HAO2: variants seen among roughly 807,000 people sequenced by gnomAD.
HAO2 encodes hydroxyacid oxidase 2, also known as 2-Hydroxyacid oxidase 2.
Under a neutral mutation model 37.4 loss-of-function variants are expected in HAO2, and 42 were observed. That is an observed-to-expected ratio of 1.12 (90% CI 0.88 to 1.45). The LOEUF (loss-of-function observed/expected upper bound fraction) is 1.45. HAO2 is among the 40% of genes most tolerant of loss of function. The probability of loss-of-function intolerance (pLI) is 0.00; values close to 1 mark genes in which losing one functional copy is unlikely to be tolerated. For missense variants in HAO2, 476 were observed against 430.2 expected, an observed-to-expected ratio of 1.11 and a Z score of -0.94; for synonymous variants, 180 against 162.8, an observed-to-expected ratio of 1.11 and a Z score of -0.81.
At chr1:119,373,237 G>A (rs1260512644) in intron 1 of HAO2, among the ~76,000 whole-genome samples, 1 of 152,166 alleles carries the variant, frequency 6.6e-6, no homozygotes, top group Non-Finnish European at 1.5e-5. Flanking sequence ...AAGGAGTAGA[G>A]GTGAAGGTGG....
At chr1:119,388,013 G>A (rs1365973410) in intron 5 of HAO2, among the ~76,000 whole-genome samples, 2 of 152,176 alleles carry the variant, frequency 1.3e-5, no homozygotes, top group Non-Finnish European at 2.9e-5. Flanking sequence ...GAGAGCAGGG[G>A]TCACCCTTCA....
At chr1:119,392,342 T>C in intron 6 of HAO2, 74 bp downstream of exon 6, 1 of 1,262,350 alleles carries the variant, frequency 7.9e-7, no homozygotes, top group Admixed American at 2.1e-5. Flanking sequence ...TGTGGTTCAT[T>C]TTCCAAGCTT....
intron 1 of HAO2, among the ~76,000 whole-genome samples, chr1:119,370,552 T>C (rs1648901576): frequency 6.6e-6 from 1 of 152,190 alleles, no homozygotes; most frequent in East Asian, 1.9e-4. Flanking sequence ...GGCAGCCCTA[T>C]GGGATGGATG....
At chr1:119,375,819 G>A (rs1354703358) in intron 1 of HAO2, among the ~76,000 whole-genome samples, 1 of 152,078 alleles carries the variant, frequency 6.6e-6, no homozygotes, top group Non-Finnish European at 1.5e-5. Context: ...AAGACCATCG[G>A]ATCTCATGAG....
intron 1 of HAO2, chr1:119,380,683 C>T (rs1649846799): frequency 1.3e-6 from 2 of 1,597,866 alleles, no homozygotes; most frequent in Non-Finnish European, 1.7e-6. Flanking sequence ...AGGAAGATCC[C>T]AGGAAGCTGA....
rs772357329 is a variant in HAO2, at chr1:119,392,705, C to T, written c.1000+18C>T. 2.5e-5 allele frequency: 37 copies of T among 1,503,366 alleles called. No homozygotes were observed. The East Asian group carries it at 7.4e-4, about 30-fold the overall frequency. 93.1% of individuals were successfully genotyped at this position (1,503,366 alleles called of 1,614,324 possible). Reference sequence around the variant, plus strand: ...CCTTACAGGTAAGTTAACATGTTTTCCCTGATTTGGAACTTAAAGCAGGAT... The same window carrying T: ...CCTTACAGGTAAGTTAACATGTTTTTCCTGATTTGGAACTTAAAGCAGGAT... On this transcript the variant is annotated intron_variant, in intron 7 of 7. Coordinates refer to ENST00000325945, the MANE Select transcript of HAO2 (RefSeq NM_016527.4).
rs930998992 is a variant in HAO2, at chr1:119,383,163, A to T, written c.283+97A>T. 1.4e-5 allele frequency: 11 copies of T among 813,326 alleles called. No individual in the cohort carries two copies. In the African/African-American group the frequency reaches 1.7e-4, roughly 13 times the overall value. The allele number at this position is 813,326 out of a possible 1,614,324, so 50.4% of individuals were successfully genotyped here. Reference sequence around the variant, plus strand: ...AGATTCTCTCTAGAAGGGCCTTAGGAACATAATCTGGTTAACACTAAGGAA... The same window carrying T: ...AGATTCTCTCTAGAAGGGCCTTAGGTACATAATCTGGTTAACACTAAGGAA... On this transcript the variant is annotated intron_variant, in intron 3 of 7. Transcript: ENST00000325945.
chr1:119,383,049 A>G lies in HAO2; in HGVS notation c.266A>G (p.Glu89Gly). The G allele has an allele frequency of 6.2e-7, 1 of 1,612,576 alleles. No homozygotes were observed. Among genetic ancestry groups the G allele is most frequent in the Non-Finnish European group, 8.5e-7 (1 of 1,179,314 alleles). The change falls in exon 3 of 8, where the codon GAA becomes GGA. Residue 89 changes from glutamate (E) to glycine (G), a missense_variant. Physicochemically the swap from Glu to Gly is moderately conservative, Grantham distance 98 (BLOSUM62 -2). Coordinates refer to ENST00000325945, the MANE Select transcript of HAO2 (RefSeq NM_016527.4). ...CACTGCCTTGTCTGGCCTGATGGGG[A>G]AATGAGCACAGCAAGAGGTATGAAC... is the stretch of plus-strand genomic sequence containing the variant. ...GFHCLVWPDG[E>G]MSTARAAQAA...
intron 7 of HAO2, 72 bp from the exon 8 acceptor site, chr1:119,393,713 A>T: frequency 8.1e-7 from 1 of 1,237,978 alleles, no homozygotes; most frequent in Non-Finnish European, 1.2e-6. Flanking sequence ...CCCCTTCATC[A>T]CCCCTTACCC....
chr1:119,379,198 T>G (rs1649716524), intron 1 of HAO2, among the ~76,000 whole-genome samples: 1 of 152,126 alleles, frequency 6.6e-6, no homozygotes, highest in Admixed American at 6.5e-5. Context: ...TCAGTAGAGA[T>G]TCAATGCCCA....
At chr1:119,391,131 C>A (rs1043648446) in intron 5 of HAO2, among the ~76,000 whole-genome samples, 2 of 151,920 alleles carry the variant, frequency 1.3e-5, no homozygotes, top group Non-Finnish European at 2.9e-5. Flanking sequence ...TATTTCCTCA[C>A]TATTTTCTTA....
intron 5 of HAO2, 111 bp from the exon 6 acceptor site, chr1:119,391,999 G>T: frequency 1.1e-6 from 1 of 916,700 alleles, no homozygotes; most frequent in Non-Finnish European, 1.7e-6. Context: ...GGGAGGGGAA[G>T]AAATTGTCAA....
Position 119,386,672 on chromosome 1 carries a change from C to A in HAO2, c.612C>A (p.Cys204Ter), listed in dbSNP as rs1650405882. ...TGACTCCTATCAGCACTTCTCTCTG[C>A]TGGAATGATCTCTCCTGGTTTCAGA... ...FQMTPISTSL[C>*]WNDLSWFQSI... The change falls in exon 5 of 8, where the codon TGC (cysteine) becomes TGA (stop). Residue 204 changes from cysteine to a stop codon, truncating the protein, a stop_gained. Coordinates refer to ENST00000325945, the MANE Select transcript of HAO2 (RefSeq NM_016527.4). LOFTEE classifies it high-confidence loss of function. 1.2e-6 allele frequency: 2 copies of A among 1,613,082 alleles called. No individual in the cohort carries two copies. Among genetic ancestry groups the A allele is most frequent in the East Asian group, 2.2e-5 (1 of 44,848 alleles).
chr1:119,387,923 GGAAGCCTAA>G (rs1446247288), intron 5 of HAO2, among the ~76,000 whole-genome samples: 1 of 152,144 alleles, frequency 6.6e-6, no homozygotes, highest in Non-Finnish European at 1.5e-5. Context: ...CGTGATGCTT[GGAAGCCTAA>G]GAGCCAGCCA....
chr1:119,383,320 A>C (rs895317796), intron 3 of HAO2, among the ~76,000 whole-genome samples: 4 of 152,248 alleles, frequency 2.6e-5, no homozygotes, highest in African/African-American at 4.8e-5. Flanking sequence ...AATTTAACCA[A>C]GTCATCCCTC....
chr1:119,386,988 TATTA>T (rs1650441500), intron 5 of HAO2, among the ~76,000 whole-genome samples, 157 bp downstream of exon 5: 1 of 152,108 alleles, frequency 6.6e-6, no homozygotes, highest in South Asian at 2.1e-4. Flanking sequence ...GACTGTTAAT[TATTA>T]TTAGTAGCCT....
chr1:119,380,530 C>T, intron 1 of HAO2: 1 of 601,758 alleles, frequency 1.7e-6, no homozygotes. Context: ...CATTGAGATT[C>T]CTGGGAACTA....
In HAO2 at chr1:119,386,698, G is replaced by A; in HGVS notation, c.638G>A (p.Ser213Asn). The A allele has an allele frequency of 6.2e-7, 1 of 1,613,348 alleles. No individual in the cohort carries two copies. The highest frequency in any genetic ancestry group is 8.5e-7 in the Non-Finnish European group (1 of 1,179,344). ...LCWNDLSWFQ[S>N]ITRLPIILKG... ...TGGAATGATCTCTCCTGGTTTCAGA[G>A]CATAACTCGATTGCCCATCATCCTG... The change falls in exon 5 of 8, where the codon AGC (serine) becomes AAC (asparagine). Residue 213 changes from serine to asparagine, a missense_variant. Coordinates refer to ENST00000325945, the MANE Select transcript of HAO2 (RefSeq NM_016527.4).
At chr1:119,382,852 G>A (rs1650063625) in intron 2 of HAO2, 63 bp from the exon 3 acceptor site, 2 of 1,524,962 alleles carry the variant, frequency 1.3e-6, no homozygotes, top group Non-Finnish European at 1.8e-6. Flanking sequence ...GTCCACCCCA[G>A]ACAACGCCTC....
Sources: gnomAD v4.1 joint callset for allele counts (sites outside exome capture counted in the v4.1 genomes callset) on GRCh38, gnomAD v4.1.1 for gene constraint, MANE v1.5 for transcripts, NCBI Gene and HGNC (gene_info 2026-07-23, HGNC 2026-07-21) for gene names.